Variants in PLEKHA5 observed in about 807,000 individuals in gnomAD.
PLEKHA5 encodes pleckstrin homology domain-containing family A member 5.
Under a neutral mutation model 181.9 loss-of-function variants are expected in PLEKHA5, and 55 were observed. The observed-to-expected ratio is 0.30, with a 90% CI of 0.24 to 0.38. The LOEUF (loss-of-function observed/expected upper bound fraction) is 0.38. Among genes scored for constraint, PLEKHA5 ranks in the 10% least tolerant of loss-of-function variants. PLEKHA5 has a pLI of 1.00. For missense variants in PLEKHA5, 1,432 were observed against 1,549.5 expected, an observed-to-expected ratio of 0.92 and a Z score of 1.27; for synonymous variants, 535 against 529.4, an observed-to-expected ratio of 1.01 and a Z score of -0.15.
chr12:19,173,663 T>TTG (rs1243464915), intron 3 of PLEKHA5, among the ~76,000 whole-genome samples: 1 of 152,200 alleles, frequency 6.6e-6, no homozygotes, highest in Non-Finnish European at 1.5e-5. Flanking sequence ...ACGAATCCCT[T>TTG]TGGCTCCAGG....
Position 19,369,716 on chromosome 12 carries a change from G to C in PLEKHA5, c.3778G>C (p.Glu1260Gln), listed in dbSNP as rs1227786627. 6.2e-7 allele frequency: 1 copy of C among 1,611,766 alleles called. No homozygotes were observed. ...AGTGAAAAGTCTGTCCCCATCTCCTGAGTCCTCGGCATCGCCAGTTCCATC... is the reference window on the plus strand; with the variant it reads ...AGTGAAAAGTCTGTCCCCATCTCCTCAGTCCTCGGCATCGCCAGTTCCATC... ...MAVKSLSPSP[E>Q]SSASPVPSTQ... is the part of the protein sequence containing the mutation. Residue 1260 changes from glutamate (E) to glutamine (Q), a missense_variant, in exon 31 of 32, where the codon GAG becomes CAG. Glu to Gln is a conservative substitution (Grantham distance 29, BLOSUM62 2). Coordinates refer to ENST00000429027, the MANE Select transcript of PLEKHA5 (RefSeq NM_001256470.2).
chr12:19,274,571 A>G lies in PLEKHA5; in HGVS notation c.901A>G (p.Asn301Asp), dbSNP rs1006638204. 1 of 1,613,290 alleles carries G rather than the reference A, an allele frequency of 6.2e-7. No homozygotes were observed. The highest frequency in any genetic ancestry group is 8.5e-7 in the Non-Finnish European group (1 of 1,179,618). The change falls in exon 11 of 32, where the codon AAC (asparagine) becomes GAC (aspartate). Residue 301 changes from asparagine to aspartate, a missense_variant. This residue lies in a region of PLEKHA5 where 289 missense variants were observed against 381.1 expected (regional missense o/e 0.76). Transcript: ENST00000429027. Reference sequence around the variant, plus strand: ...AACTAAAGAAACCAATAACATTCCCAACCATAGAGTGCTAATTAAACCAGA... The same window carrying G: ...AACTAAAGAAACCAATAACATTCCCGACCATAGAGTGCTAATTAAACCAGA... The part of the protein sequence containing the change: ...APTKETNNIP[N>D]HRVLIKPEIQ...
In PLEKHA5 at chr12:19,322,531, A is replaced by T. The variant is rs757206113; in HGVS notation, c.2312A>T (p.Gln771Leu). The T allele has an allele frequency of 6.2e-7, 1 of 1,614,022 alleles. No homozygotes were observed. The highest frequency in any genetic ancestry group is 2.2e-5 in the East Asian group (1 of 44,872). ...TTATCATAATAGTACACGCTTGAGC[A>T]AGCTTTGCTATCAGCCAGCCAAGAG... is the stretch of plus-strand genomic sequence containing the variant. ...QLHKEKYTLE[Q>L]ALLSASQEIE... is the part of the protein sequence containing the mutation. Residue 771 changes from glutamine (Q) to leucine (L), a missense_variant, in exon 20 of 32, where the codon CAA becomes CTA. Physicochemically the swap from Gln to Leu is moderately radical, Grantham distance 113. Transcript: ENST00000429027.
At chr12:19,360,360 A>C (rs1375235321) in intron 28 of PLEKHA5, among the ~76,000 whole-genome samples, 2 of 151,906 alleles carry the variant, frequency 1.3e-5, no homozygotes, top group Admixed American at 1.3e-4. Context: ...TAATCCCAGC[A>C]CTTTGGAGGC....
intron 3 of PLEKHA5, among the ~76,000 whole-genome samples, chr12:19,140,731 C>T (rs1455261550): frequency 6.6e-6 from 1 of 152,182 alleles, no homozygotes; most frequent in Non-Finnish European, 1.5e-5. Flanking sequence ...GTCATCTAGT[C>T]ACAACCCTTG....
At chr12:19,155,713 C>T (rs754444995) in intron 3 of PLEKHA5, among the ~76,000 whole-genome samples, 2 of 152,186 alleles carry the variant, frequency 1.3e-5, no homozygotes, top group African/African-American at 4.8e-5. Flanking sequence ...TGACAAGGTT[C>T]TTACTATAGA....
intron 3 of PLEKHA5, among the ~76,000 whole-genome samples, chr12:19,246,949 TTAACA>T (rs1008356588): frequency 1.1e-4 from 16 of 150,122 alleles, no homozygotes; most frequent in African/African-American, 3.7e-4. Flanking sequence ...AAACACCATA[TTAACA>T]AACAAGTTTT....
At chr12:19,188,144 TA>T (rs1186647884) in intron 3 of PLEKHA5, among the ~76,000 whole-genome samples, 1 of 152,206 alleles carries the variant, frequency 6.6e-6, no homozygotes, top group Non-Finnish European at 1.5e-5. Flanking sequence ...ACTTCACACA[TA>T]TGCAGGTTTG....
chr12:19,325,823 C>T (rs2091962147), intron 20 of PLEKHA5, among the ~76,000 whole-genome samples: 1 of 151,358 alleles, frequency 6.6e-6, no homozygotes, highest in Admixed American at 6.6e-5. Context: ...GCCTGACCAA[C>T]ATGGAGAAAC....
At chr12:19,345,814 A>T (rs202228944) in intron 22 of PLEKHA5, 28 bp from the exon 23 acceptor site, 16 of 1,138,760 alleles carry the variant, frequency 1.4e-5, no homozygotes, top group Non-Finnish European at 2.1e-5. Flanking sequence ...GATATGTTTA[A>T]TATAGTTACG....
chr12:19,201,916 T>A, intron 3 of PLEKHA5: 1 of 252,706 alleles, frequency 4.0e-6, no homozygotes, highest in Non-Finnish European at 6.3e-6. Context: ...TCACTAAAAG[T>A]CACTGAACTG....
At chr12:19,300,152 C>T (rs2081068625) in intron 15 of PLEKHA5, among the ~76,000 whole-genome samples, 1 of 152,232 alleles carries the variant, frequency 6.6e-6, no homozygotes, top group African/African-American at 2.4e-5. Flanking sequence ...CCTTTATCCC[C>T]ATTAAATCAG....
chr12:19,204,515 A>AT (rs1390300581), intron 3 of PLEKHA5, among the ~76,000 whole-genome samples: 1 of 152,108 alleles, frequency 6.6e-6, no homozygotes, highest in East Asian at 1.9e-4. Context: ...CATTGCAGCA[A>AT]TTTACTTAAC....
At chr12:19,346,173 T>G (rs1478368954) in intron 23 of PLEKHA5, among the ~76,000 whole-genome samples, 1 of 152,212 alleles carries the variant, frequency 6.6e-6, no homozygotes, top group Admixed American at 6.6e-5. Flanking sequence ...TACTTATCAT[T>G]GTTTCTTATA....
intron 3 of PLEKHA5, among the ~76,000 whole-genome samples, chr12:19,184,225 A>C (rs2049289971): frequency 6.6e-6 from 1 of 152,138 alleles, no homozygotes; most frequent in South Asian, 2.1e-4. Context: ...CTATTCCCTG[A>C]CTTTTTGCTG....
intron 10 of PLEKHA5, among the ~76,000 whole-genome samples, chr12:19,270,580 C>T (rs1396023288): frequency 1.3e-5 from 2 of 152,108 alleles, no homozygotes; most frequent in Non-Finnish European, 2.9e-5. Flanking sequence ...GTATTTTTCC[C>T]TGCTTGAAGA....
Position 19,358,207 on chromosome 12 carries a change from AT to A in PLEKHA5, c.3139-20del. On this transcript the variant is annotated intron_variant, in intron 26 of 31. Transcript: ENST00000429027. ...CAGAAGTTTTCATTTATGTATTGAT[AT>A]GTTCATTTTTACATTGAAGGAAAGA... is the stretch of plus-strand genomic sequence containing the variant. The A allele has an allele frequency of 6.6e-7, 1 of 1,522,236 alleles. No homozygotes were observed. The highest frequency in any genetic ancestry group is 9.1e-7 in the Non-Finnish European group (1 of 1,099,046). 94.3% of individuals were successfully genotyped at this position (1,522,236 alleles called of 1,614,324 possible).
In PLEKHA5 at chr12:19,353,872, T is replaced by A; in HGVS notation, c.3020-12T>A. ...GATGTTTTGTAAAACTTACTGCTGT[T>A]TTAATTTTTAGGTTCCCACTTTCCT... On this transcript the variant is annotated splice_polypyrimidine_tract_variant and intron_variant, in intron 25 of 31. Coordinates refer to ENST00000429027, the MANE Select transcript of PLEKHA5 (RefSeq NM_001256470.2). 7.7e-7 allele frequency: 1 copy of A among 1,297,254 alleles called. No individual in the cohort carries two copies. The highest frequency in any genetic ancestry group is 1.2e-5 in the South Asian group (1 of 83,412). The allele number at this position is 1,297,254 out of a possible 1,614,324, so 80.4% of individuals were successfully genotyped here.
intron 3 of PLEKHA5, among the ~76,000 whole-genome samples, chr12:19,142,490 A>G (rs978778749): frequency 3.9e-5 from 6 of 152,220 alleles, no homozygotes; most frequent in African/African-American, 1.4e-4. Context: ...AAGAAATTAT[A>G]TAACATGGTA....
Sources: gnomAD v4.1 joint callset for allele counts (sites outside exome capture counted in the v4.1 genomes callset) on GRCh38, gnomAD v4.1.1 for gene constraint, gnomAD v4.1.1 regional missense constraint, MANE v1.5 for transcripts, NCBI Gene and HGNC (gene_info 2026-07-23, HGNC 2026-07-21) for gene names.